CSMD1: variants seen among roughly 807,000 people sequenced by gnomAD.
CSMD1 encodes CUB and Sushi multiple domains 1.
CSMD1 carries 213 observed loss-of-function variants against 417.5 expected under a neutral mutation model. The observed-to-expected ratio is 0.51, with a 90% CI of 0.46 to 0.57. The LOEUF (loss-of-function observed/expected upper bound fraction) is 0.57. Ranked by LOEUF, CSMD1 falls within the 20% of genes least tolerant of loss-of-function variation. CSMD1 has a pLI of 0.00. For missense variants in CSMD1, 6,923 were observed against 4,529.7 expected (o/e 1.53, Z -15.17); for synonymous variants, 2,862 against 1,736.8 (o/e 1.65, Z -16.11).
chr8:4,761,836 C>T (rs144026642), intron 1 of CSMD1, among the ~76,000 whole-genome samples: 1 of 119,190 alleles, frequency 8.4e-6, no homozygotes, highest in African/African-American at 3.6e-5. Context: ...TAGTACCATG[C>T]ATCTATCTAT....
rs79416701 is a variant in CSMD1 at position 4,239,833 on chromosome 8, G to C, written c.415+180120C>G. Among the ~76,000 whole-genome samples the C allele has an allele frequency of 5.5e-3, 831 of 152,276 alleles. 7 individuals carry two copies. The highest frequency in any genetic ancestry group is 0.017 in the Middle Eastern group (5 of 294). ...ATATTTACACAATTTCTGCCTGAAT[G>C]TGTCTACACTATTTTGGAATATAGT... On this transcript the variant is annotated intron_variant, in intron 3 of 69. Coordinates refer to ENST00000635120, the MANE Select transcript of CSMD1 (RefSeq NM_033225.6).
chr8:4,741,217 C>A (rs529019995), intron 1 of CSMD1, among the ~76,000 whole-genome samples: 1 of 152,108 alleles, frequency 6.6e-6, no homozygotes, highest in East Asian at 1.9e-4. Flanking sequence ...TAGTGCCACA[C>A]GTGCAGTTCA....
Position 3,031,974 on chromosome 8 carries a change from G to GTATATA in CSMD1, c.7661-2467_7661-2462dup, listed in dbSNP as rs60178259. 9.1e-3 allele frequency among the ~76,000 whole-genome samples: 1,340 copies of GTATATA among 146,618 alleles called. 30 individuals are homozygous for GTATATA. Among genetic ancestry groups the GTATATA allele is most frequent in the Admixed American group, 0.043 (630 of 14,566 alleles). The stretch of plus-strand genomic sequence containing the variant: ...AGACACTATATGTGTGTATGTGTGT[G>GTATATA]TATATATATATATATACACATAATA... On this transcript the variant is annotated intron_variant, in intron 50 of 69. Coordinates refer to ENST00000635120, the MANE Select transcript of CSMD1 (RefSeq NM_033225.6).
chr8:3,487,416 T>C (rs894769786), intron 11 of CSMD1, among the ~76,000 whole-genome samples: 1 of 152,240 alleles, frequency 6.6e-6, no homozygotes, highest in South Asian at 2.1e-4. Flanking sequence ...TTAGCCAGGA[T>C]GGTCTCGTTC....
At chr8:4,326,298 G>C (rs1799560046) in intron 3 of CSMD1, among the ~76,000 whole-genome samples, 1 of 152,176 alleles carries the variant, frequency 6.6e-6, no homozygotes. Flanking sequence ...ACATAGCAAG[G>C]ACAGCGGATA....
At chr8:4,275,700 TACTC>T (rs1290163598) in intron 3 of CSMD1, among the ~76,000 whole-genome samples, 4 of 152,228 alleles carry the variant, frequency 2.6e-5, no homozygotes, top group Admixed American at 2.0e-4. Flanking sequence ...TTAGTGATAA[TACTC>T]AGTGTGATTC....
chr8:4,531,270 A>C (rs1796804859), intron 2 of CSMD1, among the ~76,000 whole-genome samples: 1 of 152,198 alleles, frequency 6.6e-6, no homozygotes, highest in Admixed American at 6.5e-5. Context: ...ACAATCCATT[A>C]ATTAAAACAA....
At position 3,230,239 on chromosome 8, in the gene CSMD1, CAAAAG is replaced by C. The variant is rs1798754831; in HGVS notation, c.4154-13_4154-9del. 6.4e-7 allele frequency: 1 copy of C among 1,561,500 alleles called. No homozygotes were observed. Among genetic ancestry groups the C allele is most frequent in the Non-Finnish European group, 8.7e-7 (1 of 1,151,246 alleles). On this transcript the variant is annotated splice_polypyrimidine_tract_variant and intron_variant, in intron 26 of 69. Transcript: ENST00000635120. ...AGGTGGCTGCAATTGAGGCTGCAAA[CAAAAG>C]AGAAGGCAAGGTCACAGGCTGGAAA... is the stretch of plus-strand genomic sequence containing the variant.
At chr8:3,641,026 T>G (rs1007564632) in intron 7 of CSMD1, among the ~76,000 whole-genome samples, 12 of 91,402 alleles carry the variant, frequency 1.3e-4, no homozygotes, top group African/African-American at 1.1e-3. Flanking sequence ...CTTTTTTCCT[T>G]TTTTTTTTTT....
chr8:4,406,945 G>A (rs1563140702), intron 3 of CSMD1, among the ~76,000 whole-genome samples: 2 of 152,182 alleles, frequency 1.3e-5, no homozygotes, highest in African/African-American at 4.8e-5. Context: ...TGACTTAAAA[G>A]GGAAGAGTAT....
intron 54 of CSMD1, among the ~76,000 whole-genome samples, chr8:2,994,056 G>C (rs1346777569): frequency 7.3e-6 from 1 of 137,048 alleles, no homozygotes; most frequent in Admixed American, 7.9e-5. Context: ...TGAGGCAGGA[G>C]ATTCACTTGA....
chr8:3,322,590 G>C (rs1806222848), intron 23 of CSMD1, among the ~76,000 whole-genome samples: 1 of 152,182 alleles, frequency 6.6e-6, no homozygotes, highest in Non-Finnish European at 1.5e-5. Context: ...TCATTGGCCA[G>C]AATGTATAAT....
intron 2 of CSMD1, among the ~76,000 whole-genome samples, chr8:4,446,797 A>C (rs566109596): frequency 9.3e-6 from 1 of 107,790 alleles, no homozygotes; most frequent in African/African-American, 3.7e-5. Context: ...GTGTGTGTGT[A>C]TTTTTAGTAG....
intron 2 of CSMD1, among the ~76,000 whole-genome samples, chr8:4,571,383 C>G (rs1044807351): frequency 6.6e-6 from 1 of 152,104 alleles, no homozygotes; most frequent in Admixed American, 6.6e-5. Flanking sequence ...TTATTTCTGC[C>G]TTAATTTCGT....
intron 12 of CSMD1, among the ~76,000 whole-genome samples, chr8:3,413,089 C>T (rs1585127711): frequency 6.6e-6 from 1 of 152,222 alleles, no homozygotes; most frequent in Non-Finnish European, 1.5e-5. Context: ...TACTTCCTAC[C>T]TCAAAGGGTG....
At chr8:4,271,078 G>A (rs1333721986) in intron 3 of CSMD1, among the ~76,000 whole-genome samples, 6 of 152,168 alleles carry the variant, frequency 3.9e-5, no homozygotes, top group Admixed American at 3.3e-4. Context: ...AGTTCAGAAT[G>A]TTGAAGCTTT....
chr8:3,717,012 AT>A (rs1801878839), intron 6 of CSMD1, among the ~76,000 whole-genome samples: 1 of 152,220 alleles, frequency 6.6e-6, no homozygotes, highest in African/African-American at 2.4e-5. Flanking sequence ...AACTTAAAAA[AT>A]AAAGGTCACA....
In CSMD1 at chr8:3,685,472, G is replaced by T. The variant is rs575450177; in HGVS notation, c.1009+22942C>A. Among the ~76,000 whole-genome samples the T allele has an allele frequency of 1.0e-3, 154 of 152,266 alleles. 1 individual carries two copies. Among genetic ancestry groups the T allele is most frequent in the Admixed American group, 2.8e-3 (43 of 15,292 alleles). On this transcript the variant is annotated intron_variant, in intron 7 of 69. Coordinates refer to ENST00000635120, the MANE Select transcript of CSMD1 (RefSeq NM_033225.6). ...AAGGCTTTAATCGGATGCTGCAGCC[G>T]AAGGAGATGGGAGCTCAGACTCAAA...
intron 5 of CSMD1, among the ~76,000 whole-genome samples, chr8:3,897,588 T>C (rs1479861174): frequency 6.6e-6 from 1 of 151,718 alleles, no homozygotes; most frequent in Non-Finnish European, 1.5e-5. Flanking sequence ...AAAAAAAGGC[T>C]ATGCATTTTA....
Sources: gnomAD v4.1 joint callset for allele counts (sites outside exome capture counted in the v4.1 genomes callset) on GRCh38, gnomAD v4.1.1 for gene constraint, MANE v1.5 for transcripts, NCBI Gene and HGNC (gene_info 2026-07-23, HGNC 2026-07-21) for gene names.